The following STK32B variants were observed in gnomAD, a reference collection of about 807,000 sequenced individuals.
The protein encoded by STK32B is serine/threonine kinase 32B.
In STK32B, 43 loss-of-function variants were observed where a neutral mutation model predicts 52.6. The observed-to-expected ratio is 0.82, with a 90% CI of 0.64 to 1.05. The LOEUF (loss-of-function observed/expected upper bound fraction) is 1.05, where lower values mean the gene tolerates loss of function less well. Among genes scored for constraint, STK32B ranks in the 50% least tolerant of loss-of-function variants. The pLI is 0.00. For missense variants in STK32B, 621 were observed against 534.6 expected (o/e 1.16, Z -1.59); for synonymous variants, 238 against 204.3 (o/e 1.17, Z -1.41).
intron 3 of STK32B, among the ~76,000 whole-genome samples, chr4:5,236,335 CT>C (rs79676913): frequency 5.9e-5 from 9 of 151,456 alleles, no homozygotes; most frequent in African/African-American, 1.7e-4. Flanking sequence ...AGCCTTTGTT[CT>C]TTTTTTTTAA....
intron 3 of STK32B, among the ~76,000 whole-genome samples, chr4:5,270,575 G>A (rs907209156): frequency 6.6e-6 from 1 of 152,146 alleles, no homozygotes; most frequent in Non-Finnish European, 1.5e-5. Flanking sequence ...CATCACAGGT[G>A]TCTACAGAAA....
At chr4:5,352,649 A>G (rs1200909975) in intron 4 of STK32B, among the ~76,000 whole-genome samples, 2 of 151,886 alleles carry the variant, frequency 1.3e-5, no homozygotes, top group Non-Finnish European at 2.9e-5. Flanking sequence ...ACTAAAAAAG[A>G]AGTCATTTGT....
Position 5,173,059 on chromosome 4 carries a change from T to G in STK32B, c.260+4609T>G, listed in dbSNP as rs146984823. On this transcript the variant is annotated intron_variant, in intron 3 of 11. Coordinates refer to ENST00000282908, the MANE Select transcript of STK32B (RefSeq NM_018401.3). ...TTGGGAGAGTGTATGTGTCGAGGAA[T>G]TTATCCATTTCTTCTAGATTTTCTA... 2.6e-5 allele frequency among the ~76,000 whole-genome samples: 4 copies of G among 152,218 alleles called. No individual in the cohort carries two copies. The East Asian group carries it at 7.7e-4, about 29-fold the overall frequency.
chr4:5,040,991 T>C, the STK32B span, among the ~76,000 whole-genome samples: 30 of 152,218 alleles, frequency 2.0e-4, 1 homozygote, highest in Admixed American at 6.5e-5. Context: ...CTGTTGGGTG[T>C]GCGGCCCATC....
intron 1 of STK32B, among the ~76,000 whole-genome samples, chr4:5,078,962 G>T (rs980758557): frequency 2.0e-5 from 3 of 152,098 alleles, no homozygotes; most frequent in Non-Finnish European, 2.9e-5. Context: ...AAGTAAAATT[G>T]TTTTTTTATA....
chr4:5,482,852 T>G (rs1718834105), intron 11 of STK32B, among the ~76,000 whole-genome samples: 1 of 152,200 alleles, frequency 6.6e-6, no homozygotes, highest in South Asian at 2.1e-4. Context: ...AATCATGTGG[T>G]TTTTGTCTTT....
chr4:5,062,792 G>C (rs1742266499), intron 1 of STK32B, among the ~76,000 whole-genome samples: 1 of 152,154 alleles, frequency 6.6e-6, no homozygotes, highest in Admixed American at 6.5e-5. Flanking sequence ...ACAGGCATGA[G>C]CCACCATGCC....
chr4:5,136,001 A>G (rs1306599132), intron 1 of STK32B, among the ~76,000 whole-genome samples: 1 of 152,158 alleles, frequency 6.6e-6, no homozygotes, highest in African/African-American at 2.4e-5. Flanking sequence ...AGAAATGCAA[A>G]TTCTCTAATG....
intron 3 of STK32B, among the ~76,000 whole-genome samples, chr4:5,204,592 C>T (rs1231076252): frequency 6.6e-6 from 1 of 151,966 alleles, no homozygotes; most frequent in Non-Finnish European, 1.5e-5. Flanking sequence ...GCCTTAGCCT[C>T]CTGAGTAGCT....
intron 3 of STK32B, among the ~76,000 whole-genome samples, chr4:5,251,318 C>G (rs1309769899): frequency 6.6e-6 from 1 of 152,156 alleles, no homozygotes; most frequent in Non-Finnish European, 1.5e-5. Flanking sequence ...TTAGTTATCC[C>G]AGCACCATTT....
chr4:5,479,089 TTTTG>T (rs980266458), intron 11 of STK32B, among the ~76,000 whole-genome samples: 23 of 148,330 alleles, frequency 1.6e-4, no homozygotes, highest in Non-Finnish European at 3.2e-4. Context: ...TGTTCTTGTT[TTTTG>T]TTGGTTTTTG....
chr4:5,082,584 A>G (rs1712498695), intron 1 of STK32B, among the ~76,000 whole-genome samples: 3 of 152,228 alleles, frequency 2.0e-5, no homozygotes, highest in Admixed American at 1.3e-4. Flanking sequence ...CCTGCTGGAA[A>G]TGTAATGACA....
intron 4 of STK32B, among the ~76,000 whole-genome samples, chr4:5,351,599 AAAT>A (rs1327826632): frequency 6.6e-6 from 1 of 152,056 alleles, no homozygotes; most frequent in Non-Finnish European, 1.5e-5. Context: ...TAAAAGGACA[AAAT>A]AATAAAGATC....
chr4:5,322,185 C>T (rs1731549344), intron 3 of STK32B, among the ~76,000 whole-genome samples: 1 of 151,978 alleles, frequency 6.6e-6, no homozygotes, highest in African/African-American at 2.4e-5. Context: ...TAATAATAAG[C>T]TTATCATTGT....
At chr4:5,202,376 T>C (rs1190237437) in intron 3 of STK32B, among the ~76,000 whole-genome samples, 2 of 152,216 alleles carry the variant, frequency 1.3e-5, no homozygotes, top group Non-Finnish European at 2.9e-5. Context: ...CACCCAAATA[T>C]CATGGCTGCT....
intron 3 of STK32B, among the ~76,000 whole-genome samples, chr4:5,289,689 T>A (rs1728767608): frequency 1.1e-5 from 1 of 92,622 alleles, no homozygotes; most frequent in Non-Finnish European, 1.7e-5. Context: ...CGGCTAATTT[T>A]TTTTTTTTTT....
chr4:5,081,296 C>T (rs1218201784), intron 1 of STK32B, among the ~76,000 whole-genome samples: 1 of 152,048 alleles, frequency 6.6e-6, no homozygotes, highest in Admixed American at 6.6e-5. Context: ...TCAAAATTAT[C>T]TCTTTGTCTT....
intron 3 of STK32B, among the ~76,000 whole-genome samples, chr4:5,321,637 T>C (rs924744222): frequency 6.6e-6 from 1 of 152,284 alleles, no homozygotes; most frequent in African/African-American, 2.4e-5. Flanking sequence ...ACAAATTCTT[T>C]AGAAGCATGA....
intron 3 of STK32B, among the ~76,000 whole-genome samples, chr4:5,318,950 C>A (rs902564170): frequency 6.6e-6 from 1 of 152,008 alleles, no homozygotes; most frequent in African/African-American, 2.4e-5. Context: ...CAGGTGCCCG[C>A]CACCATGCCC....
Sources: gnomAD v4.1 joint callset for allele counts (sites outside exome capture counted in the v4.1 genomes callset) on GRCh38, gnomAD v4.1.1 for gene constraint, MANE v1.5 for transcripts, NCBI Gene and HGNC (gene_info 2026-07-23, HGNC 2026-07-21) for gene names.